ARSH: variants seen among roughly 807,000 people sequenced by gnomAD.
ARSH encodes the protein arylsulfatase family member H, also known as arylsulfatase H.
ARSH carries 32 observed loss-of-function variants against 28.7 expected under a neutral mutation model. The observed-to-expected ratio is 1.11, with a 90% CI of 0.84 to 1.50. The LOEUF is 1.50. Ranked by LOEUF, ARSH falls within the 40% of genes most tolerant of loss-of-function variation. The pLI, the probability that ARSH is intolerant of heterozygous loss-of-function variation, is 0.00. For synonymous variants in ARSH, 176 were observed against 177.3 expected (o/e 0.99, Z 0.06); for missense variants, 440 against 452.4 (o/e 0.97, Z 0.25).
chrX:3,008,342 G>C (rs974014654), intron 1 of ARSH, among the ~76,000 whole-genome samples: 4 of 111,314 alleles, frequency 3.6e-5, no homozygotes, highest in African/African-American at 1.3e-4. Context: ...GCATCTTTTA[G>C]TGTGGATTTA....
chrX:3,013,017 G>A, intron 2 of ARSH, 30 bp from the exon 3 acceptor site: 1 of 1,203,939 alleles, frequency 8.3e-7, no homozygotes, highest in Non-Finnish European at 1.1e-6. Flanking sequence ...AAAGACTATG[G>A]TGCTAACTTA....
At chrX:3,032,331 C>T (rs978280426) in intron 8 of ARSH, among the ~76,000 whole-genome samples, 1 of 106,427 alleles carries the variant, frequency 9.4e-6, no homozygotes, top group Admixed American at 1.0e-4. Context: ...TAAAATTGAT[C>T]TCTGAAAATA....
intron 4 of ARSH, among the ~76,000 whole-genome samples, chrX:3,015,798 C>T (rs1569123486): frequency 9.1e-6 from 1 of 109,460 alleles, no homozygotes; most frequent in Non-Finnish European, 1.9e-5. Flanking sequence ...CAAACTGGCA[C>T]ATGGAGACCC....
intron 2 of ARSH, 144 bp from the exon 3 acceptor site, chrX:3,012,903 A>C (rs751417653): frequency 8.3e-5 from 57 of 690,166 alleles, no homozygotes; most frequent in Non-Finnish European, 5.5e-5. Flanking sequence ...AAGGAGGGTC[A>C]AGGACGTACA....
In ARSH at chrX:3,033,491, C is replaced by T; in HGVS notation, c.*106C>T. On this transcript the variant is annotated 3_prime_UTR_variant, in exon 9 of 9. Coordinates refer to ENST00000381130, the MANE Select transcript of ARSH (RefSeq NM_001011719.2). ...TCCATTTGGGATAAAAACTGATGGCCCAACCCATTGTTTTATCCTCAGAAA... is the reference window on the plus strand; with the variant it reads ...TCCATTTGGGATAAAAACTGATGGCTCAACCCATTGTTTTATCCTCAGAAA... 2 of 875,322 alleles carry T rather than the reference C, an allele frequency of 2.3e-6. No individual in the cohort carries two copies. The highest frequency in any genetic ancestry group is 1.5e-6 in the Non-Finnish European group (1 of 649,054). 72.1% of individuals were successfully genotyped at this position (875,322 alleles called of 1,213,427 possible). A position where few individuals can be genotyped will look rare whatever the true frequency, so the allele number is the denominator to read the frequency against.
At chrX:3,029,572 C>G (rs2089908348) in intron 8 of ARSH, among the ~76,000 whole-genome samples, 1 of 111,449 alleles carries the variant, frequency 9.0e-6, no homozygotes, top group African/African-American at 3.3e-5. Context: ...ACTCTGTCAC[C>G]CAGGTTGGAG....
chrX:3,025,979 G>A (rs753016737), intron 6 of ARSH, among the ~76,000 whole-genome samples: 37 of 110,908 alleles, frequency 3.3e-4, no homozygotes, highest in Non-Finnish European at 4.1e-4. Context: ...CCTGTGAAGC[G>A]ATGAATTCAA....
chrX:3,014,113 T>C (rs1384146458), intron 3 of ARSH, among the ~76,000 whole-genome samples: 2 of 110,598 alleles, frequency 1.8e-5, no homozygotes, highest in Non-Finnish European at 3.8e-5. Flanking sequence ...AATAAAATGT[T>C]AAAATTAGCT....
At position 3,010,112 on chromosome X, in the gene ARSH, C is replaced by T. The variant is rs369096338; in HGVS notation, c.175C>T (p.Arg59Trp). 94 of 1,209,632 alleles carry T rather than the reference C, an allele frequency of 7.8e-5. No individual in the cohort carries two copies. The highest frequency in any genetic ancestry group is 1.0e-4 in the Non-Finnish European group (91 of 895,014). ...LAAASMCTPS[R>W]AAFLTGRYPI... is the part of the protein sequence containing the mutation. ...AGCTGCTTCCATGTGCACCCCAAGT[C>T]GGGCTGCCTTCCTGACCGGCCGGTA... Residue 59 changes from arginine to tryptophan, a missense_variant, in exon 2 of 9, where the codon CGG (arginine) becomes TGG (tryptophan). Transcript: ENST00000381130.
At chrX:3,022,752 C>T (rs2089887713) in intron 5 of ARSH, among the ~76,000 whole-genome samples, 1 of 111,665 alleles carries the variant, frequency 9.0e-6, no homozygotes. Flanking sequence ...AGATCTTAAC[C>T]ATAACCCAAA....
At chrX:3,007,423 T>A (rs759627953) in intron 1 of ARSH, among the ~76,000 whole-genome samples, 3 of 111,416 alleles carry the variant, frequency 2.7e-5, no homozygotes, top group Non-Finnish European at 5.7e-5. Flanking sequence ...ATGTGTCTCT[T>A]CTTAGAATTT....
At chrX:3,014,232 G>A (rs7474014) in intron 3 of ARSH, among the ~76,000 whole-genome samples, 4,002 of 111,403 alleles carry the variant, frequency 0.036, 176 homozygotes, top group African/African-American at 0.12. Context: ...ATGCCACTGC[G>A]CTCCAGCCTG....
intron 2 of ARSH, among the ~76,000 whole-genome samples, chrX:3,012,793 T>G (rs867828819): frequency 2.0e-4 from 21 of 106,158 alleles, no homozygotes; most frequent in African/African-American, 6.5e-4. Flanking sequence ...ACGAAGGTTA[T>G]TTGTTGTTAG....
At chrX:3,027,211 C>T (rs1219603832) in intron 6 of ARSH, 102 bp from the exon 7 acceptor site, 14 of 905,803 alleles carry the variant, frequency 1.5e-5, no homozygotes, top group East Asian at 3.2e-5. Flanking sequence ...CCGCCCACCT[C>T]GGCCCCCCAA....
chrX:3,032,923 C>T (rs2089918467), intron 8 of ARSH, 95 bp from the exon 9 acceptor site: 23 of 941,211 alleles, frequency 2.4e-5, no homozygotes, highest in Non-Finnish European at 2.6e-5. Flanking sequence ...TATTATCAAT[C>T]ACTAGAAAAA....
intron 6 of ARSH, among the ~76,000 whole-genome samples, chrX:3,026,389 G>A (rs1309032703): frequency 1.8e-5 from 2 of 111,959 alleles, no homozygotes; most frequent in Admixed American, 9.6e-5. Flanking sequence ...ATCAGTGAAT[G>A]TGTCAGCAGT....
Position 3,006,567 on chromosome X carries a change from G to C in ARSH, c.-46G>C. On this transcript the variant is annotated 5_prime_UTR_variant, in exon 1 of 9. Coordinates refer to ENST00000381130, the MANE Select transcript of ARSH (RefSeq NM_001011719.2). ...AAAATGCTTTCAGGAGCTGCTGGCT[G>C]TCAGTGTCCCTGTGCTGTTTGTTTT... is the stretch of plus-strand genomic sequence containing the variant. 3.7e-6 allele frequency: 4 copies of C among 1,088,716 alleles called. No homozygotes were observed. Among genetic ancestry groups the C allele is most frequent in the Non-Finnish European group, 5.1e-6 (4 of 791,328 alleles). The allele number at this position is 1,088,716 out of a possible 1,213,427, so 89.7% of individuals were successfully genotyped here. A position where few individuals can be genotyped will look rare whatever the true frequency, so the allele number is the denominator to read the frequency against.
intron 8 of ARSH, among the ~76,000 whole-genome samples, chrX:3,029,881 G>C (rs1364335554): frequency 9.0e-6 from 1 of 111,009 alleles, no homozygotes; most frequent in Non-Finnish European, 1.9e-5. Context: ...TGTGCCCAAA[G>C]GGTTTTATTT....
chrX:3,015,360 T>C lies in ARSH; in HGVS notation c.731T>C (p.Leu244Pro), dbSNP rs1326908130. Residue 244 changes from leucine to proline, a missense_variant, in exon 4 of 9, where the codon CTC becomes CCC. Leu to Pro is a moderately conservative substitution (Grantham distance 98). Coordinates refer to ENST00000381130, the MANE Select transcript of ARSH (RefSeq NM_001011719.2). ...ATGAAAGAGGAGAAAGTAGCTTCCC[T>C]CATGCTGAAGGAGGCACTTGCTTTC... Reference protein sequence around the residue: ...QPMKEEKVASLMLKEALAFIE... With the variant: ...QPMKEEKVASPMLKEALAFIE... 4 of 1,211,634 alleles carry C rather than the reference T, an allele frequency of 3.3e-6. No homozygotes were observed. Among genetic ancestry groups the C allele is most frequent in the Non-Finnish European group, 3.4e-6 (3 of 895,411 alleles).
Sources: allele counts gnomAD v4.1 joint callset (sites outside exome capture counted in the v4.1 genomes callset), GRCh38; gene constraint gnomAD v4.1.1; transcripts MANE v1.5; gene names NCBI Gene and HGNC (gene_info 2026-07-23, HGNC 2026-07-21).